The following MIOS variants were observed in gnomAD, a reference collection of about 807,000 sequenced individuals.
MIOS encodes the protein GATOR2 complex protein MIOS.
A neutral mutation model predicts 96.9 loss-of-function variants in MIOS; 52 were observed. That is an observed-to-expected ratio of 0.54 (90% confidence interval 0.43 to 0.68). MIOS has a LOEUF of 0.68. Among genes scored for constraint, MIOS ranks in the 30% least tolerant of loss-of-function variants. The probability of loss-of-function intolerance (pLI) is 0.00; values close to 1 mark genes in which losing one functional copy is unlikely to be tolerated. For missense variants in MIOS, 1,005 were observed against 1,052.8 expected (o/e 0.95, Z 0.63); for synonymous variants, 397 against 359.5 (o/e 1.10, Z -1.18).
chr7:7,582,064 C>T (rs1783748868), intron 5 of MIOS, among the ~76,000 whole-genome samples: 1 of 152,080 alleles, frequency 6.6e-6, no homozygotes, highest in African/African-American at 2.4e-5. Context: ...AACAGTTCTG[C>T]CTACAACCAA....
intron 6 of MIOS, among the ~76,000 whole-genome samples, chr7:7,584,089 A>G (rs1941748383): frequency 6.6e-6 from 1 of 152,174 alleles, no homozygotes; most frequent in Admixed American, 6.5e-5. Flanking sequence ...TTGAATATTC[A>G]GAATACTGAA....
intron 9 of MIOS, among the ~76,000 whole-genome samples, chr7:7,593,426 G>A (rs1247542877): frequency 6.6e-6 from 1 of 152,026 alleles, no homozygotes; most frequent in Admixed American, 6.6e-5. Flanking sequence ...TTATAAGTAA[G>A]ATATACGCCA....
At chr7:7,587,761 C>G (rs559651767) in intron 7 of MIOS, among the ~76,000 whole-genome samples, 4 of 152,032 alleles carry the variant, frequency 2.6e-5, no homozygotes, top group African/African-American at 4.8e-5. Context: ...CTGAAGTGAT[C>G]TTACGGTTAA....
chr7:7,572,999 C>G lies in MIOS; in HGVS notation c.524C>G (p.Thr175Arg), dbSNP rs1563013750. The G allele has an allele frequency of 6.2e-7, 1 of 1,614,018 alleles. No individual in the cohort carries two copies. The highest frequency in any genetic ancestry group is 2.2e-5 in the East Asian group (1 of 44,872). ...AGETETTLLV[T>R]KPLYELGQND... ...GAAACTGAAACAACATTATTAGTAA[C>G]AAAACCACTTTATGAGTTAGGACAG... is the stretch of plus-strand genomic sequence containing the variant. Residue 175 changes from threonine to arginine, a missense_variant, in exon 4 of 13, where the codon ACA (threonine) becomes AGA (arginine). Transcript: ENST00000340080. This position sits in a 1 kb window ranked among gnomAD's most constrained non-coding sequence, Gnocchi z 4.8.
At chr7:7,590,611 T>C (rs542824706) in intron 9 of MIOS, among the ~76,000 whole-genome samples, 3 of 152,232 alleles carry the variant, frequency 2.0e-5, no homozygotes, top group Non-Finnish European at 4.4e-5. Context: ...TTTTCCGTTT[T>C]GTTTGTCCTT....
chr7:7,580,474 C>G (rs974333119), intron 5 of MIOS, among the ~76,000 whole-genome samples: 3 of 152,110 alleles, frequency 2.0e-5, no homozygotes, highest in Non-Finnish European at 4.4e-5. Flanking sequence ...TACGTAACTT[C>G]AAGTGGAATT....
intron 3 of MIOS, among the ~76,000 whole-genome samples, chr7:7,571,684 G>C (rs550824567): frequency 7.2e-5 from 11 of 152,124 alleles, no homozygotes; most frequent in African/African-American, 2.7e-4. Context: ...AAAACAAAGG[G>C]GTTCCCCACA....
Position 7,573,625 on chromosome 7 carries a change from A to T in MIOS, c.1150A>T (p.Asn384Tyr). The change falls in exon 4 of 13, where the codon AAT becomes TAT. Residue 384 changes from asparagine to tyrosine, a missense_variant. Asn to Tyr is a moderately radical substitution (Grantham distance 143). This residue lies in a region of MIOS where 865 missense variants were observed against 887.9 expected (regional missense o/e 0.97). Transcript: ENST00000340080. The surrounding 1 kb of genome is among the most constrained non-coding windows in gnomAD (Gnocchi z 5.0). ...LYECTEEEND[N>Y]SLEKDIATKM... The stretch of plus-strand genomic sequence containing the variant: ...TGAATGTACGGAAGAAGAAAATGAT[A>T]ATTCTTTAGAAAAAGATATAGCAAC... The T allele has an allele frequency of 6.2e-7, 1 of 1,614,030 alleles. No homozygotes were observed.
At chr7:7,581,359 T>C (rs1783719476) in intron 5 of MIOS, among the ~76,000 whole-genome samples, 1 of 152,220 alleles carries the variant, frequency 6.6e-6, no homozygotes, top group South Asian at 2.1e-4. Flanking sequence ...GACAAGTTTT[T>C]AATATTTTCT....
In MIOS at chr7:7,607,860, T is replaced by G. The variant is rs2115521817; in HGVS notation, c.*768T>G. ...AATTTTCACTTTCTACCTTTTGCCT[T>G]CCAATGTCCTGATTTGTCTTCAAAG... On this transcript the variant is annotated 3_prime_UTR_variant, in exon 13 of 13. Transcript: ENST00000340080. 1 of 152,296 alleles carries G rather than the reference T, an allele frequency of 6.6e-6. No homozygotes were observed. The highest frequency in any genetic ancestry group is 6.5e-5 in the Admixed American group (1 of 15,280). 9.4% of individuals were successfully genotyped at this position (152,296 alleles called of 1,614,324 possible). A position where few individuals can be genotyped will look rare whatever the true frequency, so the allele number is the denominator to read the frequency against.
At chr7:7,596,484 A>G (rs376855494) in intron 11 of MIOS, 23 bp downstream of exon 11, 13 of 1,569,934 alleles carry the variant, frequency 8.3e-6, no homozygotes, top group Non-Finnish European at 1.1e-5. Context: ...TTTACAAAAT[A>G]CTTTTATGAA....
At chr7:7,576,510 A>G (rs1783538363) in intron 5 of MIOS, among the ~76,000 whole-genome samples, 1 of 152,210 alleles carries the variant, frequency 6.6e-6, no homozygotes, top group South Asian at 2.1e-4. Context: ...GACAGGGAGC[A>G]GCATGTGCAG....
At chr7:7,583,507 A>G in intron 6 of MIOS, 135 bp downstream of exon 6, 1 of 1,002,120 alleles carries the variant, frequency 1.0e-6, no homozygotes, top group Admixed American at 3.2e-5. Context: ...GTTGGAGGAG[A>G]AAACACAGCA....
intron 11 of MIOS, among the ~76,000 whole-genome samples, chr7:7,597,955 A>G (rs1784265841): frequency 6.6e-6 from 1 of 152,116 alleles, no homozygotes; most frequent in African/African-American, 2.4e-5. Context: ...ATGAGCCACC[A>G]TGCCCAGCCT....
chr7:7,604,608 A>C, intron 11 of MIOS, among the ~76,000 whole-genome samples: 1 of 152,150 alleles, frequency 6.6e-6, no homozygotes, highest in Non-Finnish European at 1.5e-5. Context: ...TTCTTACATT[A>C]TGAGTTAATG....
intron 5 of MIOS, among the ~76,000 whole-genome samples, chr7:7,579,038 A>C (rs962433946): frequency 6.6e-6 from 1 of 152,166 alleles, no homozygotes; most frequent in African/African-American, 2.4e-5. Context: ...TGTTTAAATA[A>C]ACTTGTTTTC....
At chr7:7,571,913 A>G (rs556448845) in intron 3 of MIOS, among the ~76,000 whole-genome samples, 112 of 152,372 alleles carry the variant, frequency 7.4e-4, no homozygotes, top group African/African-American at 2.5e-3. Flanking sequence ...TGTTAAAATT[A>G]AGGTTTAAAA....
chr7:7,605,104 A>G (rs559081373), intron 11 of MIOS: 1 of 152,316 alleles, frequency 6.6e-6, no homozygotes, highest in African/African-American at 2.4e-5. Flanking sequence ...GTGACCTGCA[A>G]TGGTCCAAGC....
chr7:7,571,189 T>G lies in MIOS; in HGVS notation c.-40-1247T>G, dbSNP rs117687065. Among the ~76,000 whole-genome samples, 335 of 152,322 alleles carry G rather than the reference T, an allele frequency of 2.2e-3. 3 individuals carry two copies. Among genetic ancestry groups the G allele is most frequent in the South Asian group, 4.1e-3 (20 of 4,826 alleles). On this transcript the variant is annotated intron_variant, in intron 3 of 12. Transcript: ENST00000340080. The stretch of plus-strand genomic sequence containing the variant: ...GTATGTTCATTCTTTTTGAATCTAT[T>G]ACCTTTTGCCAGCCTCTGTTAGAAA...
Sources: gnomAD v4.1 joint callset for allele counts (sites outside exome capture counted in the v4.1 genomes callset) on GRCh38, gnomAD v4.1.1 for gene constraint, gnomAD v4.1.1 regional missense constraint, Gnocchi (gnomAD v3.1) non-coding constraint, MANE v1.5 for transcripts, NCBI Gene and HGNC (gene_info 2026-07-23, HGNC 2026-07-21) for gene names.